The following HNRNPL variants were observed in gnomAD, a reference collection of about 807,000 sequenced individuals.
HNRNPL encodes the protein epididymis secretory sperm binding protein.
A neutral mutation model predicts 64.0 loss-of-function variants in HNRNPL; 12 were observed. The observed-to-expected ratio is 0.19, with a 90% confidence interval of 0.12 to 0.30. The LOEUF (loss-of-function observed/expected upper bound fraction) is 0.30. Ranked by LOEUF, HNRNPL falls within the 10% of genes least tolerant of loss-of-function variation. The pLI, the probability that HNRNPL is intolerant of heterozygous loss-of-function variation, is 1.00. For missense variants in HNRNPL, 484 were observed against 797.4 expected (o/e 0.61, Z 4.73); for synonymous variants, 385 against 313.0 (o/e 1.23, Z -2.43).
intron 12 of HNRNPL, 34 bp from the exon 13 acceptor site, chr19:38,836,814 T>C (rs779071841): frequency 1.3e-6 from 2 of 1,551,720 alleles, no homozygotes; most frequent in Non-Finnish European, 1.8e-6. Context: ...TTGGTTCCCG[T>C]CTTTGGAGGC....
chr19:38,837,234 C>T (rs1971958379), intron 12 of HNRNPL, 150 bp downstream of exon 12: 1 of 651,350 alleles, frequency 1.5e-6, no homozygotes, highest in East Asian at 2.7e-5. Flanking sequence ...ACAGGCTGCT[C>T]TCCTGATGAG....
At position 38,847,448 on chromosome 19, in the gene HNRNPL, CA is replaced by C; in HGVS notation, c.268-15del. 6.9e-7 allele frequency: 1 copy of C among 1,441,598 alleles called. No individual in the cohort carries two copies. The allele number at this position is 1,441,598 out of a possible 1,614,324, so 89.3% of individuals were successfully genotyped here. A position where few individuals can be genotyped will look rare whatever the true frequency, so the allele number is the denominator to read the frequency against. The stretch of plus-strand genomic sequence containing the variant: ...ATCGTAGTTCTCCTGAGAAAGGAAG[CA>C]AAAACAAGAATTATTTTCTTGCTGT... On this transcript the variant is annotated splice_polypyrimidine_tract_variant and intron_variant, in intron 1 of 12. Coordinates refer to ENST00000221419, the MANE Select transcript of HNRNPL (RefSeq NM_001533.3).
chr19:38,844,002 A>C lies in HNRNPL; in HGVS notation c.807+6T>G. On this transcript the variant is annotated splice_donor_region_variant and intron_variant, in intron 5 of 12. Coordinates refer to ENST00000221419, the MANE Select transcript of HNRNPL (RefSeq NM_001533.3). ...CAAGGGGCAGTCAGTCACCTCCCAG[A>C]TGTACCTTTGCGTATTCGATCTTCA... 3.1e-6 allele frequency: 5 copies of C among 1,612,292 alleles called. No individual in the cohort carries two copies. The highest frequency in any genetic ancestry group is 4.2e-6 in the Non-Finnish European group (5 of 1,178,306).
At chr19:38,850,075 G>A (rs1226817513), upstream of HNRNPL, 3 of 871,440 alleles carry the variant, frequency 3.4e-6, no homozygotes, top group South Asian at 2.3e-5. Context: ...CGGGGGGAGG[G>A]TAGGCCGCCA....
intron 12 of HNRNPL, 126 bp from the exon 13 acceptor site, chr19:38,836,906 C>T (rs1184426602): frequency 1.6e-6 from 1 of 642,190 alleles, no homozygotes; most frequent in African/African-American, 1.8e-5. Flanking sequence ...GAGTGACTGC[C>T]CAACGTGAGG....
chr19:38,837,955 C>T (rs1189886913), intron 10 of HNRNPL, among the ~76,000 whole-genome samples: 1 of 152,224 alleles, frequency 6.6e-6, no homozygotes, highest in East Asian at 1.9e-4. Context: ...CATTTCAGAC[C>T]ACAGCCAGAT....
At chr19:38,840,446 A>G (rs1167173139) in intron 7 of HNRNPL, 42 bp downstream of exon 7, 2 of 1,565,080 alleles carry the variant, frequency 1.3e-6, no homozygotes, top group Admixed American at 2.0e-5. Flanking sequence ...GCAGGGGCAC[A>G]TGAGCCACGG....
intron 6 of HNRNPL, chr19:38,843,459 C>G: frequency 4.1e-6 from 1 of 242,212 alleles, no homozygotes; most frequent in Admixed American, 5.1e-5. Flanking sequence ...CAGACCCTCT[C>G]AACAGCGCAG....
upstream of HNRNPL, chr19:38,850,027 C>G (rs1216404842): frequency 7.8e-7 from 1 of 1,284,204 alleles, no homozygotes; most frequent in African/African-American, 1.6e-5. Flanking sequence ...CCGTCACCCG[C>G]CGCCCCCACC....
In HNRNPL at chr19:38,849,778, A is replaced by T; in HGVS notation, c.189T>A (p.Thr63=). Residue 63 remains threonine, a synonymous_variant, in exon 1 of 13, where the codon ACT becomes ACA. Transcript: ENST00000221419. ...EGGRAPKRLK[T]DNAGDQHGGG... Reference sequence around the variant, plus strand: ...CTCCGTGCTGGTCGCCGGCGTTGTCAGTCTTGAGCCGCTTAGGGGCCCGGC... The same window carrying T: ...CTCCGTGCTGGTCGCCGGCGTTGTCTGTCTTGAGCCGCTTAGGGGCCCGGC... The T allele has an allele frequency of 7.1e-7, 1 of 1,402,452 alleles. No individual in the cohort carries two copies. The highest frequency in any genetic ancestry group is 9.4e-7 in the Non-Finnish European group (1 of 1,061,732). The allele number at this position is 1,402,452 out of a possible 1,614,324, so 86.9% of individuals were successfully genotyped here. A position where few individuals can be genotyped will look rare whatever the true frequency, so the allele number is the denominator to read the frequency against.
chr19:38,839,891 A>T (rs1207966166), intron 8 of HNRNPL, among the ~76,000 whole-genome samples: 1 of 152,086 alleles, frequency 6.6e-6, no homozygotes, highest in Non-Finnish European at 1.5e-5. Flanking sequence ...CTTTTTTTTA[A>T]ACATTGGTAA....
At chr19:38,841,750 A>T (rs1972124356) in intron 6 of HNRNPL, 1 of 649,232 alleles carries the variant, frequency 1.5e-6, no homozygotes, top group African/African-American at 1.9e-5. Flanking sequence ...TTTTTTAAAG[A>T]ATTGTTTTAA....
chr19:38,849,315 T>C (rs974532784), intron 1 of HNRNPL: 1 of 181,626 alleles, frequency 5.5e-6, no homozygotes, highest in East Asian at 1.4e-4. Context: ...CACCAGGCGC[T>C]CCCCTAACCG....
intron 10 of HNRNPL, 85 bp downstream of exon 10, chr19:38,838,312 T>C: frequency 5.3e-6 from 6 of 1,127,854 alleles, no homozygotes; most frequent in Non-Finnish European, 6.5e-6. Flanking sequence ...GTTCAACAGC[T>C]ATTTGCAGAA....
intron 12 of HNRNPL, 40 bp from the exon 13 acceptor site, chr19:38,836,820 G>A: frequency 4.0e-6 from 6 of 1,514,032 alleles, no homozygotes; most frequent in Non-Finnish European, 5.5e-6. Context: ...CCCGTCTTTG[G>A]AGGCTCCCCA....
chr19:38,837,418 C>G lies in HNRNPL; in HGVS notation c.1677G>C (p.Leu559=). 1 of 1,614,220 alleles carries G rather than the reference C, an allele frequency of 6.2e-7. No individual in the cohort carries two copies. The change falls in exon 12 of 13, where the codon CTG becomes CTC. Residue 559 remains leucine (L), a synonymous_variant. Coordinates refer to ENST00000221419, the MANE Select transcript of HNRNPL (RefSeq NM_001533.3). ...WESKSDALET[L]GFLNHYQMKN... ...TCATCTGGTAATGGTTCAGGAAGCC[C>G]AGAGTCTCCAGGGCATCGCTCTTGG...
At chr19:38,847,477 A>G (rs763710944) in intron 1 of HNRNPL, 43 bp from the exon 2 acceptor site, 7 of 1,262,376 alleles carry the variant, frequency 5.5e-6, no homozygotes, top group Non-Finnish European at 6.5e-6. Flanking sequence ...CTTGCTGTAC[A>G]AGATGACGCC....
rs765424872 is a variant in HNRNPL, at chr19:38,840,574, AAC to A, written c.881-17_881-16del. 4.6e-5 allele frequency: 72 copies of A among 1,566,936 alleles called. No homozygotes were observed. The African/African-American group carries it at 8.1e-4, about 18-fold the overall frequency. On this transcript the variant is annotated splice_polypyrimidine_tract_variant and intron_variant, in intron 6 of 12. Transcript: ENST00000221419. ...GCCAGGGTCACCTGTGGAGAGAGAA[AAC>A]AGTTAGGAGTCTCACTCAGAAATTG...
At chr19:38,837,019 T>TG in intron 12 of HNRNPL, 1 of 548,104 alleles carries the variant, frequency 1.8e-6, no homozygotes, top group Non-Finnish European at 3.2e-6. Flanking sequence ...CCCAAGGCAA[T>TG]GGGCCTCTCC....
Sources: gnomAD v4.1 joint callset for allele counts (sites outside exome capture counted in the v4.1 genomes callset) on GRCh38, gnomAD v4.1.1 for gene constraint, MANE v1.5 for transcripts, NCBI Gene and HGNC (gene_info 2026-07-23, HGNC 2026-07-21) for gene names.